The following UNC5B variants were observed in gnomAD, a reference collection of about 807,000 sequenced individuals.
UNC5B encodes the protein netrin receptor UNC5B.
In UNC5B, 56 loss-of-function variants were observed where a neutral mutation model predicts 103.7. The observed-to-expected ratio is 0.54, with a 90% CI of 0.44 to 0.67. The LOEUF (loss-of-function observed/expected upper bound fraction) is 0.67. Ranked by LOEUF, UNC5B falls within the 30% of genes least tolerant of loss-of-function variation. The probability of loss-of-function intolerance (pLI) is 0.00; values close to 1 mark genes in which losing one functional copy is unlikely to be tolerated. For missense variants in UNC5B, 1,194 were observed against 1,284.5 expected, an observed-to-expected ratio of 0.93 and a Z score of 1.08; for synonymous variants, 577 against 542.0, an observed-to-expected ratio of 1.06 and a Z score of -0.90.
rs112328131 is a variant in UNC5B, at chr10:71,213,331, G to T, written c.79+267G>T. On this transcript the variant is annotated intron_variant, in intron 1 of 16. Transcript: ENST00000335350. The surrounding 1 kb of genome is among the most constrained non-coding windows in gnomAD (Gnocchi z 4.1). ...ATCCCTTCTTCTCCCTGGAAGGGGT[G>T]TAGGAGTCAGGGTCTGAGTCTCCGG... 9.2e-3 allele frequency among the ~76,000 whole-genome samples: 1,394 copies of T among 152,298 alleles called. 23 individuals carry two copies. Among genetic ancestry groups the T allele is most frequent in the African/African-American group, 0.031 (1,301 of 41,562 alleles).
intron 1 of UNC5B, among the ~76,000 whole-genome samples, chr10:71,223,121 G>C (rs1245047271): frequency 6.6e-6 from 1 of 152,196 alleles, no homozygotes; most frequent in Non-Finnish European, 1.5e-5. Context: ...CAGGGTTGGG[G>C]AGACAGGTTC....
In UNC5B at chr10:71,277,169, G is replaced by A. The variant is rs555954164; in HGVS notation, c.80-2652G>A. ...AAACAAAGTCATAATACAGCCTGCA[G>A]TGCTGCAGAGCACAGAGGCGGCTGT... On this transcript the variant is annotated intron_variant, in intron 1 of 16. Coordinates refer to ENST00000335350, the MANE Select transcript of UNC5B (RefSeq NM_170744.5). Among the ~76,000 whole-genome samples the A allele has an allele frequency of 3.3e-5, 5 of 152,380 alleles. No individual in the cohort carries two copies. In the East Asian group the frequency reaches 9.6e-4, roughly 29 times the overall value.
chr10:71,286,837 G>A lies in UNC5B; in HGVS notation c.701G>A (p.Arg234His), dbSNP rs1845099509. 8 of 1,614,028 alleles carry A rather than the reference G, an allele frequency of 5.0e-6. No individual in the cohort carries two copies. The East Asian group carries it at 6.7e-5, about 13-fold the overall frequency. Reference protein sequence around the residue: ...TCVAKNIVAKRRSTTATVIVY... With the variant: ...TCVAKNIVAKHRSTTATVIVY... The stretch of plus-strand genomic sequence containing the variant: ...GTGGCCAAGAACATCGTGGCCAAAC[G>A]CCGGAGCACCACTGCCACCGTCATC... Residue 234 changes from arginine (R) to histidine (H), a missense_variant, in exon 5 of 17, where the codon CGC becomes CAC. Arg to His is a conservative substitution (Grantham distance 29). Coordinates refer to ENST00000335350, the MANE Select transcript of UNC5B (RefSeq NM_170744.5).
chr10:71,257,590 G>A (rs1020644667), intron 1 of UNC5B, among the ~76,000 whole-genome samples: 1 of 152,204 alleles, frequency 6.6e-6, no homozygotes, highest in Non-Finnish European at 1.5e-5. Flanking sequence ...TCTTCGAGGA[G>A]CGCCTCGGTG....
chr10:71,241,513 C>G (rs1843900764), intron 1 of UNC5B, among the ~76,000 whole-genome samples: 1 of 152,202 alleles, frequency 6.6e-6, no homozygotes, highest in Non-Finnish European at 1.5e-5. Flanking sequence ...GCCAGAGGCC[C>G]TGGTGAACAC....
In UNC5B at chr10:71,295,882, C is replaced by G; in HGVS notation, c.2247C>G (p.Asp749Glu). 1 of 1,613,384 alleles carries G rather than the reference C, an allele frequency of 6.2e-7. No individual in the cohort carries two copies. Among genetic ancestry groups the G allele is most frequent in the East Asian group, 2.2e-5 (1 of 44,890 alleles). Reference sequence around the variant, plus strand: ...AGCCGAAACCGCTAATGTTCAAGGACAGTTACCACAACCTGCGCCTCTCCC... The same window carrying G: ...AGCCGAAACCGCTAATGTTCAAGGAGAGTTACCACAACCTGCGCCTCTCCC... ...VEEPKPLMFK[D>E]SYHNLRLSLH... Residue 749 changes from aspartate to glutamate, a missense_variant, in exon 14 of 17, where the codon GAC becomes GAG. By Grantham distance (45) the Asp-to-Glu change is conservative. Coordinates refer to ENST00000335350, the MANE Select transcript of UNC5B (RefSeq NM_170744.5).
intron 8 of UNC5B, among the ~76,000 whole-genome samples, chr10:71,289,369 G>C (rs1243105945): frequency 1.3e-5 from 2 of 152,154 alleles, no homozygotes; most frequent in Non-Finnish European, 2.9e-5. Flanking sequence ...TCCTCTCTGG[G>C]CCAAGGCCGG....
At position 71,295,920 on chromosome 10, in the gene UNC5B, C is replaced by G. The variant is rs138790836; in HGVS notation, c.2285C>G (p.Pro762Arg). ...CTGCGCCTCTCCCTCCATGACCTCC[C>G]CCATGCCCATTGGAGGAGCAAGCTG... ...HNLRLSLHDL[P>R]HAHWRSKLLA... is the part of the protein sequence containing the mutation. Residue 762 changes from proline (P) to arginine (R), a missense_variant, in exon 14 of 17, where the codon CCC (proline) becomes CGC (arginine). Physicochemically the swap from Pro to Arg is moderately radical, Grantham distance 103 (BLOSUM62 -2). Transcript: ENST00000335350. 1.3e-4 allele frequency: 215 copies of G among 1,613,166 alleles called. 1 individual carries two copies. Among genetic ancestry groups the G allele is most frequent in the Non-Finnish European group, 1.7e-4 (204 of 1,180,020 alleles).
At chr10:71,293,161 A>T (rs6480505) in intron 11 of UNC5B, among the ~76,000 whole-genome samples, 143,226 of 152,236 alleles carry the variant, frequency 0.94, 67,647 homozygotes, top group East Asian at 1. Context: ...CTTGGAAAAT[A>T]TAAGCCAGGA....
At chr10:71,219,437 G>A (rs557020556) in intron 1 of UNC5B, among the ~76,000 whole-genome samples, 1 of 152,280 alleles carries the variant, frequency 6.6e-6, no homozygotes, top group Admixed American at 6.5e-5. Flanking sequence ...CATCCAGCAC[G>A]GGAGAAAGAT....
At chr10:71,267,882 C>T (rs1844556096) in intron 1 of UNC5B, among the ~76,000 whole-genome samples, 1 of 152,252 alleles carries the variant, frequency 6.6e-6, no homozygotes, top group African/African-American at 2.4e-5. Context: ...ACACAGGAAC[C>T]ATGGCCTGCA....
chr10:71,290,018 G>A (rs1009393128), intron 8 of UNC5B, among the ~76,000 whole-genome samples: 3 of 152,228 alleles, frequency 2.0e-5, no homozygotes, highest in African/African-American at 7.2e-5. Flanking sequence ...GCAAGGGGAA[G>A]AGCAGCCATC....
At chr10:71,275,480 T>A (rs10733882) in intron 1 of UNC5B, among the ~76,000 whole-genome samples, 112,033 of 152,130 alleles carry the variant, frequency 0.74, 41,702 homozygotes, top group Non-Finnish European at 0.79. Context: ...TTGTTGCCCC[T>A]CGTTTTCATT....
At chr10:71,281,134 T>G (rs186021117) in intron 2 of UNC5B, among the ~76,000 whole-genome samples, 66 of 152,356 alleles carry the variant, frequency 4.3e-4, no homozygotes, top group Non-Finnish European at 9.6e-4. Flanking sequence ...CTTTAGTTTC[T>G]GTTTTGTCAT....
At chr10:71,279,787 C>T (rs750138065) in intron 1 of UNC5B, 34 bp from the exon 2 acceptor site, 3 of 1,595,468 alleles carry the variant, frequency 1.9e-6, no homozygotes, top group Non-Finnish European at 2.6e-6. Flanking sequence ...CCTCCCAGCA[C>T]ACAGCCTCAT....
At chr10:71,249,360 C>T (rs1225605625) in intron 1 of UNC5B, among the ~76,000 whole-genome samples, 3 of 152,206 alleles carry the variant, frequency 2.0e-5, no homozygotes, top group Non-Finnish European at 2.9e-5. Context: ...TCCTGGCTGC[C>T]CCTCAAAACT....
At chr10:71,245,407 GC>G (rs1277135676) in intron 1 of UNC5B, among the ~76,000 whole-genome samples, 1 of 152,174 alleles carries the variant, frequency 6.6e-6, no homozygotes, top group Non-Finnish European at 1.5e-5. Flanking sequence ...GCTGAGTCTG[GC>G]AGGGGGGACC....
chr10:71,251,106 T>G (rs10823707), intron 1 of UNC5B, among the ~76,000 whole-genome samples: 63,512 of 152,048 alleles, frequency 0.42, 14,077 homozygotes, highest in East Asian at 0.66. Context: ...TATCCCTGTT[T>G]TATTTCAGTC....
chr10:71,280,069 GCACCCCAGGA>G, intron 2 of UNC5B, 24 bp downstream of exon 2: 1 of 1,611,362 alleles, frequency 6.2e-7, no homozygotes. Flanking sequence ...ACTTGCCTGG[GCACCCCAGGA>G]CACCCCAGGC....
Sources: allele counts gnomAD v4.1 joint callset (sites outside exome capture counted in the v4.1 genomes callset), GRCh38; gene constraint gnomAD v4.1.1; non-coding constraint Gnocchi (gnomAD v3.1); transcripts MANE v1.5; gene names NCBI Gene and HGNC (gene_info 2026-07-23, HGNC 2026-07-21).